GABRG3: variants seen among roughly 807,000 people sequenced by gnomAD.
GABRG3 encodes gamma-aminobutyric acid receptor subunit gamma-3.
Under a neutral mutation model 48.8 loss-of-function variants are expected in GABRG3, and 25 were observed. The observed-to-expected ratio is 0.51, with a 90% confidence interval of 0.37 to 0.72. The LOEUF (loss-of-function observed/expected upper bound fraction) is 0.72. GABRG3 is among the 30% of genes least tolerant of loss of function. The pLI is 0.00. For synonymous variants in GABRG3, 227 were observed against 217.6 expected (o/e 1.04, Z -0.38); for missense variants, 394 against 577.9 (o/e 0.68, Z 3.26).
intron 5 of GABRG3, among the ~76,000 whole-genome samples, chr15:27,394,261 G>C (rs567472955): frequency 1.3e-5 from 2 of 151,982 alleles, no homozygotes; most frequent in Non-Finnish European, 2.9e-5. Context: ...TATGCTCTTA[G>C]TGTTTTCCCT....
intron 3 of GABRG3, among the ~76,000 whole-genome samples, chr15:27,111,618 G>A (rs1897550832): frequency 6.6e-6 from 1 of 152,094 alleles, no homozygotes. Context: ...TTCCCCTTTG[G>A]ATTTGGGTCT....
intron 5 of GABRG3, among the ~76,000 whole-genome samples, chr15:27,397,930 G>T (rs549457204): frequency 6.6e-6 from 1 of 150,938 alleles, no homozygotes; most frequent in South Asian, 2.1e-4. Flanking sequence ...TCAGCCTCCC[G>T]AGTAGCTGGG....
At chr15:27,173,650 C>T (rs1448125250) in intron 3 of GABRG3, among the ~76,000 whole-genome samples, 1 of 148,212 alleles carries the variant, frequency 6.7e-6, no homozygotes, top group Non-Finnish European at 1.5e-5. Context: ...GCAGGAGGAT[C>T]ACTGGAAAAG....
intron 2 of GABRG3, among the ~76,000 whole-genome samples, chr15:27,023,895 G>T (rs1177946444): frequency 3.9e-5 from 6 of 152,094 alleles, no homozygotes; most frequent in African/African-American, 7.2e-5. Context: ...TCCACAGTGG[G>T]TATATCATTT....
At chr15:27,261,806 T>G (rs1024370433) in intron 3 of GABRG3, among the ~76,000 whole-genome samples, 3 of 152,122 alleles carry the variant, frequency 2.0e-5, no homozygotes, top group Non-Finnish European at 4.4e-5. Flanking sequence ...TGCTTTTACA[T>G]TGTTACACTT....
chr15:27,398,666 G>GCACACACACA (rs111910385), intron 5 of GABRG3, among the ~76,000 whole-genome samples: 11 of 147,222 alleles, frequency 7.5e-5, no homozygotes, highest in African/African-American at 2.7e-4. Context: ...ACAAGCGCGC[G>GCACACACACA]CACACACACA....
chr15:27,103,527 A>G (rs886853666), intron 3 of GABRG3, among the ~76,000 whole-genome samples: 1 of 152,214 alleles, frequency 6.6e-6, no homozygotes, highest in African/African-American at 2.4e-5. Context: ...AAGCAACAGA[A>G]CCACCTTAAT....
intron 3 of GABRG3, among the ~76,000 whole-genome samples, chr15:27,185,581 G>T (rs1286594050): frequency 1.3e-5 from 2 of 152,116 alleles, no homozygotes; most frequent in Non-Finnish European, 2.9e-5. Context: ...TCAGATTAAT[G>T]TTCCTGATAA....
chr15:27,469,540 C>G (rs898074417), intron 5 of GABRG3, among the ~76,000 whole-genome samples: 1 of 152,084 alleles, frequency 6.6e-6, no homozygotes, highest in Non-Finnish European at 1.5e-5. Flanking sequence ...GTGGTTTTAC[C>G]ATGTTGATCA....
At chr15:27,500,952 G>GTTTTTTTT (rs61305255) in intron 6 of GABRG3, among the ~76,000 whole-genome samples, 4 of 122,152 alleles carry the variant, frequency 3.3e-5, no homozygotes, top group African/African-American at 1.3e-4. Flanking sequence ...AGTAACGTAT[G>GTTTTTTTT]TTTTTTTTTT....
intron 3 of GABRG3, among the ~76,000 whole-genome samples, chr15:27,267,479 G>A (rs1418744979): frequency 6.7e-6 from 1 of 149,130 alleles, no homozygotes; most frequent in African/African-American, 2.5e-5. Context: ...TTGCTCTCTT[G>A]CCCAGGCTGG....
chr15:27,266,715 A>G (rs1030122563), intron 3 of GABRG3, among the ~76,000 whole-genome samples: 3 of 152,154 alleles, frequency 2.0e-5, no homozygotes, highest in Admixed American at 6.5e-5. Context: ...CAGTAATGCT[A>G]TGTGGTTTCA....
At chr15:27,416,386 G>T (rs994173448) in intron 5 of GABRG3, among the ~76,000 whole-genome samples, 2 of 152,110 alleles carry the variant, frequency 1.3e-5, no homozygotes, top group Admixed American at 1.3e-4. Flanking sequence ...CTGCCCTCAG[G>T]TCAGTAGGGC....
At chr15:27,096,060 C>T (rs1227403508) in intron 3 of GABRG3, among the ~76,000 whole-genome samples, 1 of 152,200 alleles carries the variant, frequency 6.6e-6, no homozygotes, top group Non-Finnish European at 1.5e-5. Context: ...TGCTCCAATT[C>T]ATCACATACG....
chr15:27,428,383 G>A (rs1888354077), intron 5 of GABRG3: 1 of 152,148 alleles, frequency 6.6e-6, no homozygotes, highest in Non-Finnish European at 1.5e-5. Flanking sequence ...ATATCGCCAA[G>A]GGTTATTTTC....
intron 3 of GABRG3, among the ~76,000 whole-genome samples, chr15:27,243,554 A>C (rs997913908): frequency 3.3e-5 from 5 of 152,166 alleles, no homozygotes; most frequent in African/African-American, 1.2e-4. Flanking sequence ...AATTGGAAGC[A>C]AATGCAAAAA....
At position 27,532,939 on chromosome 15, in the gene GABRG3, C is replaced by T. The variant is rs1302250905; in HGVS notation, c.*58C>T. On this transcript the variant is annotated 3_prime_UTR_variant, in exon 10 of 10. Coordinates refer to ENST00000615808, the MANE Select transcript of GABRG3 (RefSeq NM_033223.5). ...GGTACACACTTGACCTTCTGTCGTC[C>T]CCAGACCAGTAGTGACCAATCGGGA... The T allele has an allele frequency of 1.3e-6, 2 of 1,545,942 alleles. No homozygotes were observed. Among genetic ancestry groups the T allele is most frequent in the Non-Finnish European group, 1.8e-6 (2 of 1,136,588 alleles).
At chr15:27,192,033 T>C (rs1298600686) in intron 3 of GABRG3, among the ~76,000 whole-genome samples, 1 of 152,176 alleles carries the variant, frequency 6.6e-6, no homozygotes, top group Non-Finnish European at 1.5e-5. Context: ...TTCTTTTCTT[T>C]AAGAATGTTG....
intron 3 of GABRG3, among the ~76,000 whole-genome samples, chr15:27,132,471 G>GTTT (rs59023766): frequency 3.4e-3 from 133 of 39,468 alleles, no homozygotes; most frequent in African/African-American, 9.9e-3. Flanking sequence ...AGTAGTTACA[G>GTTT]TTTTTTTTTT....
Sources: gnomAD v4.1 joint callset for allele counts (sites outside exome capture counted in the v4.1 genomes callset) on GRCh38, gnomAD v4.1.1 for gene constraint, MANE v1.5 for transcripts, NCBI Gene and HGNC (gene_info 2026-07-23, HGNC 2026-07-21) for gene names.